AVEN: variants seen among roughly 807,000 people sequenced by gnomAD.
The protein encoded by AVEN is apoptosis and caspase activation inhibitor, also known as cell death regulator Aven.
In AVEN, 41 loss-of-function variants were observed where a neutral mutation model predicts 38.1. That is an observed-to-expected ratio of 1.08 (90% CI 0.84 to 1.40). The LOEUF is 1.40. Ranked by LOEUF, AVEN falls within the 40% of genes most tolerant of loss-of-function variation. The pLI is 0.00. For synonymous variants in AVEN, 206 were observed against 171.8 expected, an observed-to-expected ratio of 1.20 and a Z score of -1.56; for missense variants, 605 against 438.8, an observed-to-expected ratio of 1.38 and a Z score of -3.38.
rs1184786932 is a variant in AVEN, at chr15:33,866,621, T to A, written c.1081A>T (p.Ile361Phe). Residue 361 changes from isoleucine to phenylalanine, a missense_variant, in exon 6 of 6, where the codon ATT (isoleucine) becomes TTT (phenylalanine). Coordinates refer to ENST00000306730, the MANE Select transcript of AVEN (RefSeq NM_020371.3). ...CACTTTTTTTCCCCTTTTTAGGAAA[T>A]CATGCTGTCCAACCAGTCTTCCAGC... ...EELEDWLDSM[I>F]S 1 of 1,613,318 alleles carries A rather than the reference T, an allele frequency of 6.2e-7. No homozygotes were observed. The highest frequency in any genetic ancestry group is 8.5e-7 in the Non-Finnish European group (1 of 1,179,470).
chr15:34,066,659 C>T (rs1458859883), exon 3 of AVEN: 1 of 152,050 alleles, frequency 6.6e-6, no homozygotes, highest in Non-Finnish European at 1.5e-5. Flanking sequence ...TTTTAAATAC[C>T]TGGGCATTAG....
intron 1 of AVEN, among the ~76,000 whole-genome samples, chr15:34,004,894 T>A (rs1252923443): frequency 6.6e-6 from 1 of 152,058 alleles, no homozygotes; most frequent in East Asian, 1.9e-4. Flanking sequence ...TCCCAAACAT[T>A]ACAAAATCCT....
At chr15:34,017,530 C>T (rs940000927) in intron 1 of AVEN, among the ~76,000 whole-genome samples, 4 of 138,840 alleles carry the variant, frequency 2.9e-5, no homozygotes, top group South Asian at 2.3e-4. Flanking sequence ...TCATCCAGGC[C>T]GGAGTGCAGT....
chr15:34,026,116 T>A (rs2140738302), intron 1 of AVEN, among the ~76,000 whole-genome samples: 1 of 152,342 alleles, frequency 6.6e-6, no homozygotes, highest in East Asian at 1.9e-4. Flanking sequence ...CAGATTAAGT[T>A]TGATATTCTT....
At position 33,912,240 on chromosome 15, in the gene AVEN, G is replaced by T. The variant is rs1269526959; in HGVS notation, c.446-36245C>A. 2.0e-5 allele frequency among the ~76,000 whole-genome samples: 3 copies of T among 152,034 alleles called. No individual in the cohort carries two copies. The East Asian group carries it at 5.8e-4, about 29-fold the overall frequency. The stretch of plus-strand genomic sequence containing the variant: ...AACAAACGTATGTTCTTTAGAAGAG[G>T]CATAAATATTAGTGCTCCCTACACG... On this transcript the variant is annotated intron_variant, in intron 2 of 5. Transcript: ENST00000306730.
downstream of AVEN, chr15:33,865,304 C>CATATCTGAAAT: frequency 1.0e-6 from 1 of 955,238 alleles, no homozygotes. Flanking sequence ...AGTTCTGCAA[C>CATATCTGAAAT]ATATCTGAAA....
intron 4 of AVEN, chr15:34,065,645 T>C (rs1457936592): frequency 6.6e-6 from 1 of 152,086 alleles, no homozygotes; most frequent in East Asian, 1.9e-4. Flanking sequence ...TAGTAATACA[T>C]AAAAATAAAA....
intron 11 of AVEN, chr15:33,859,815 T>G: frequency 1.5e-6 from 2 of 1,353,526 alleles, no homozygotes; most frequent in Non-Finnish European, 2.0e-6. Context: ...AATTGGTTTA[T>G]GAAGAAGCGT....
intron 5 of AVEN, among the ~76,000 whole-genome samples, chr15:34,051,205 CACAACT>C (rs1200398145): frequency 6.6e-6 from 1 of 152,174 alleles, no homozygotes; most frequent in African/African-American, 2.4e-5. Flanking sequence ...CTCACAACCA[CACAACT>C]ACATGGAAAC....
chr15:33,987,498 C>T (rs1226738781), intron 2 of AVEN, among the ~76,000 whole-genome samples: 1 of 152,152 alleles, frequency 6.6e-6, no homozygotes, highest in Non-Finnish European at 1.5e-5. Flanking sequence ...CCTCAGATTA[C>T]GCTCCACTCT....
intron 2 of AVEN, among the ~76,000 whole-genome samples, chr15:33,947,939 T>C (rs1468391185): frequency 1.3e-5 from 2 of 152,180 alleles, no homozygotes; most frequent in Non-Finnish European, 2.9e-5. Flanking sequence ...TGAACAATTC[T>C]GCTTTAAAGG....
chr15:33,949,370 A>C (rs1894642067), intron 2 of AVEN, among the ~76,000 whole-genome samples: 1 of 152,190 alleles, frequency 6.6e-6, no homozygotes, highest in South Asian at 2.1e-4. Context: ...GTTATCGTTA[A>C]TTTACGCTAT....
chr15:33,950,648 G>A (rs1186401950), intron 2 of AVEN, among the ~76,000 whole-genome samples: 1 of 152,160 alleles, frequency 6.6e-6, no homozygotes, highest in Non-Finnish European at 1.5e-5. Context: ...CATGTGGGAG[G>A]GAGGTAAATA....
intron 2 of AVEN, among the ~76,000 whole-genome samples, chr15:34,068,080 G>T (rs773181639): frequency 2.6e-5 from 4 of 152,038 alleles, no homozygotes; most frequent in African/African-American, 9.7e-5. Flanking sequence ...CCCACATTCC[G>T]CACTTAACGT....
chr15:34,053,113 A>G (rs1271736518), intron 5 of AVEN, among the ~76,000 whole-genome samples: 1 of 151,636 alleles, frequency 6.6e-6, no homozygotes, highest in Non-Finnish European at 1.5e-5. Context: ...GAGCCTAGCC[A>G]ATATGGTGAA....
At chr15:33,965,278 A>G (rs1190554960) in intron 2 of AVEN, among the ~76,000 whole-genome samples, 1 of 152,204 alleles carries the variant, frequency 6.6e-6, no homozygotes, top group Admixed American at 6.5e-5. Flanking sequence ...AGCTTCCATA[A>G]GTCCACAATA....
intron 2 of AVEN, among the ~76,000 whole-genome samples, chr15:33,939,345 T>A (rs185264208): frequency 1.3e-4 from 20 of 152,376 alleles, no homozygotes; most frequent in African/African-American, 4.8e-4. Flanking sequence ...GGAACCATTT[T>A]AGGAGACAGG....
rs944522382 is a variant in AVEN at position 34,017,867 on chromosome 15, C to T, written c.268-14658G>A. Among the ~76,000 whole-genome samples, 8 of 152,066 alleles carry T rather than the reference C, an allele frequency of 5.3e-5. No homozygotes were observed. In the East Asian group the frequency reaches 1.5e-3, roughly 29 times the overall value. ...CATACCATTTTGGTCAACAATGGAC[C>T]ATATTTACAACAGTGGTCCCATAAG... On this transcript the variant is annotated intron_variant, in intron 1 of 5. Transcript: ENST00000306730.
chr15:33,864,962 G>C (rs1889969562), downstream of AVEN: 1 of 555,778 alleles, frequency 1.8e-6, no homozygotes, highest in South Asian at 2.6e-5. Context: ...ATGGCTTCTT[G>C]CTTCCCAAAC....
Sources: allele counts gnomAD v4.1 joint callset (sites outside exome capture counted in the v4.1 genomes callset), GRCh38; gene constraint gnomAD v4.1.1; transcripts MANE v1.5; gene names NCBI Gene and HGNC (gene_info 2026-07-23, HGNC 2026-07-21).